Variants in EPB41 observed in about 807,000 individuals in gnomAD.
The protein encoded by EPB41 is erythrocyte membrane protein band 4.1.
A neutral mutation model predicts 108.0 loss-of-function variants in EPB41; 65 were observed. That is an observed-to-expected ratio of 0.60 (90% CI 0.49 to 0.74). The LOEUF (loss-of-function observed/expected upper bound fraction) is 0.74, where lower values mean the gene tolerates loss of function less well. Ranked by LOEUF, EPB41 falls within the 30% of genes least tolerant of loss-of-function variation. The pLI is 0.00. For missense variants in EPB41, 875 were observed against 1,037.0 expected, an observed-to-expected ratio of 0.84 and a Z score of 2.15; for synonymous variants, 336 against 358.9, an observed-to-expected ratio of 0.94 and a Z score of 0.72.
intron 17 of EPB41, among the ~76,000 whole-genome samples, chr1:29,102,282 C>G (rs143825574): frequency 6.6e-6 from 1 of 152,214 alleles, no homozygotes; most frequent in East Asian, 1.9e-4. Context: ...CTGATGGGAA[C>G]AAGCTACATG....
chr1:28,921,938 T>TTTTATATATATATATATATA (rs370726721), intron 1 of EPB41, among the ~76,000 whole-genome samples: 11 of 102,650 alleles, frequency 1.1e-4, no homozygotes, highest in African/African-American at 5.0e-4. Flanking sequence ...TTATGAAATT[T>TTTTATATATATATATATATA]TATATATATA....
rs903592458 is a variant in EPB41 at position 28,944,425 on chromosome 1, T to A, written c.-8+29657T>A. On this transcript the variant is annotated intron_variant, in intron 1 of 20. Transcript: ENST00000343067. ...GAGAGGATGGATACCGCATTCTCCA[T>A]GATGTGCTTCTTTCATTTTGCATGC... is the stretch of plus-strand genomic sequence containing the variant. 2.0e-5 allele frequency among the ~76,000 whole-genome samples: 3 copies of A among 152,260 alleles called. No individual in the cohort carries two copies. In the South Asian group the frequency reaches 6.2e-4, roughly 32 times the overall value.
chr1:29,094,224 C>A (rs1467876483), intron 16 of EPB41, among the ~76,000 whole-genome samples: 2 of 151,976 alleles, frequency 1.3e-5, no homozygotes, highest in African/African-American at 4.8e-5. Flanking sequence ...CATTTTCATA[C>A]CAGTACACCA....
intron 1 of EPB41, among the ~76,000 whole-genome samples, chr1:28,984,430 C>T (rs762340152): frequency 2.0e-5 from 3 of 152,134 alleles, no homozygotes; most frequent in Non-Finnish European, 4.4e-5. Context: ...AAAGTTGAAA[C>T]AAGAATGTAA....
At chr1:28,905,251 C>G (rs182902843) in intron 1 of EPB41, among the ~76,000 whole-genome samples, 1 of 151,668 alleles carries the variant, frequency 6.6e-6, no homozygotes, top group Admixed American at 6.6e-5. Flanking sequence ...AATCCCAGCA[C>G]TTTGGGAGGT....
chr1:29,084,147 G>A (rs142436039), intron 16 of EPB41, among the ~76,000 whole-genome samples: 110 of 152,320 alleles, frequency 7.2e-4, no homozygotes, highest in African/African-American at 2.5e-3. Context: ...GGGTGTATGT[G>A]TGTCTGTGCA....
At chr1:29,042,590 T>C (rs1641922932) in intron 11 of EPB41, among the ~76,000 whole-genome samples, 1 of 152,112 alleles carries the variant, frequency 6.6e-6, no homozygotes, top group Admixed American at 6.6e-5. Context: ...GTGATTCTCG[T>C]ACCTCAGCCT....
chr1:28,907,091 G>A (rs1203994625), intron 1 of EPB41, among the ~76,000 whole-genome samples: 1 of 145,652 alleles, frequency 6.9e-6, no homozygotes, highest in Non-Finnish European at 1.5e-5. Flanking sequence ...TTGAGATGGA[G>A]TCTCACTCTT....
chr1:28,955,628 C>T (rs557446314), intron 1 of EPB41, among the ~76,000 whole-genome samples: 1 of 152,034 alleles, frequency 6.6e-6, no homozygotes, highest in Non-Finnish European at 1.5e-5. Context: ...CAGACGTGAG[C>T]CCACCACGCC....
At chr1:29,021,159 A>G (rs575347913) in intron 7 of EPB41, among the ~76,000 whole-genome samples, 31 of 152,354 alleles carry the variant, frequency 2.0e-4, no homozygotes, top group African/African-American at 6.3e-4. Flanking sequence ...CCTTTGAGTT[A>G]GGACAACGGT....
chr1:29,027,996 G>T (rs1398095416), intron 7 of EPB41, among the ~76,000 whole-genome samples: 1 of 151,870 alleles, frequency 6.6e-6, no homozygotes, highest in Non-Finnish European at 1.5e-5. Context: ...AGCTAATTTT[G>T]TATTTTTAGT....
At position 29,093,619 on chromosome 1, in the gene EPB41, G is replaced by A. The variant is rs1028149748; in HGVS notation, c.2185-4188G>A. ...CATCTTCATCATAAAATCTTTGCCAGTTCTTAGCTGGGCACTGTGGCTCAT... is the reference window on the plus strand; with the variant it reads ...CATCTTCATCATAAAATCTTTGCCAATTCTTAGCTGGGCACTGTGGCTCAT... On this transcript the variant is annotated intron_variant, in intron 16 of 20. Coordinates refer to ENST00000343067, the MANE Select transcript of EPB41 (RefSeq NM_001376013.1). 3.3e-5 allele frequency among the ~76,000 whole-genome samples: 5 copies of A among 152,230 alleles called. No individual in the cohort carries two copies. The South Asian group carries it at 1.0e-3, about 32-fold the overall frequency.
intron 1 of EPB41, among the ~76,000 whole-genome samples, chr1:28,933,785 GC>G (rs2093862572): frequency 6.6e-6 from 1 of 151,976 alleles, no homozygotes; most frequent in African/African-American, 2.4e-5. Flanking sequence ...GTCATGTTGG[GC>G]AAAGCAAGAC....
intron 4 of EPB41, among the ~76,000 whole-genome samples, chr1:29,002,948 A>T (rs2096327651): frequency 6.6e-6 from 1 of 152,248 alleles, no homozygotes; most frequent in South Asian, 2.1e-4. Context: ...TCCTGTTTTC[A>T]GGAAAAACTG....
intron 1 of EPB41, chr1:28,893,248 T>G (rs1375138266): frequency 6.6e-6 from 1 of 152,052 alleles, no homozygotes; most frequent in African/African-American, 2.4e-5. Flanking sequence ...TTTTCATATT[T>G]TTTGTAGAGA....
At chr1:28,908,384 A>G (rs973007463) in intron 1 of EPB41, among the ~76,000 whole-genome samples, 1 of 150,668 alleles carries the variant, frequency 6.6e-6, no homozygotes, top group African/African-American at 2.4e-5. Flanking sequence ...CCTGGGTTAC[A>G]GGGCGAGACT....
intron 11 of EPB41, among the ~76,000 whole-genome samples, chr1:29,051,829 C>T (rs751861727): frequency 6.6e-6 from 1 of 150,640 alleles, no homozygotes. Context: ...ACCTGAGAGG[C>T]GGAGATTCTA....
chr1:29,003,974 G>C (rs1474916226), intron 4 of EPB41, among the ~76,000 whole-genome samples: 1 of 152,136 alleles, frequency 6.6e-6, no homozygotes, highest in Non-Finnish European at 1.5e-5. Flanking sequence ...TGTTGGTCAG[G>C]CTGGTCTTGA....
intron 16 of EPB41, among the ~76,000 whole-genome samples, chr1:29,086,323 G>C (rs1658911933): frequency 6.8e-6 from 1 of 146,364 alleles, no homozygotes; most frequent in South Asian, 2.1e-4. Context: ...CACCAGGCTA[G>C]AGTGCAGTGG....
Sources: gnomAD v4.1 joint callset for allele counts (sites outside exome capture counted in the v4.1 genomes callset) on GRCh38, gnomAD v4.1.1 for gene constraint, MANE v1.5 for transcripts, NCBI Gene and HGNC (gene_info 2026-07-23, HGNC 2026-07-21) for gene names.